The following ALK variants were observed in gnomAD, a reference collection of about 807,000 sequenced individuals.
ALK encodes ALK receptor tyrosine kinase, also known as ALK tyrosine kinase receptor.
Under a neutral mutation model 163.1 loss-of-function variants are expected in ALK, and 74 were observed. The ratio of observed to expected loss-of-function variants is 0.45; its 90% CI spans 0.38 to 0.55. ALK has a LOEUF of 0.55. Among genes scored for constraint, ALK ranks in the 20% least tolerant of loss-of-function variants. The pLI, the probability that ALK is intolerant of heterozygous loss-of-function variation, is 0.00. For missense variants in ALK, 2,063 were observed against 2,105.3 expected (o/e 0.98, Z 0.39); for synonymous variants, 960 against 843.2 (o/e 1.14, Z -2.40).
chr2:29,912,158 A>G (rs1425788233), intron 1 of ALK, among the ~76,000 whole-genome samples: 1 of 152,174 alleles, frequency 6.6e-6, no homozygotes, highest in African/African-American at 2.4e-5. Flanking sequence ...GAGTCTCAGG[A>G]GAGGAATATA....
At chr2:29,562,516 G>A (rs1452038535) in intron 3 of ALK, among the ~76,000 whole-genome samples, 1 of 152,138 alleles carries the variant, frequency 6.6e-6, no homozygotes. Flanking sequence ...TGTCTGCCCA[G>A]GGCCAGTACA....
rs543547902 is a variant in ALK at position 29,456,414 on chromosome 2, G to A, written c.1155-72555C>T. Among the ~76,000 whole-genome samples the A allele has an allele frequency of 1.2e-4, 19 of 152,218 alleles. 1 individual carries two copies. The South Asian group carries it at 3.9e-3, about 32-fold the overall frequency. On this transcript the variant is annotated intron_variant, in intron 4 of 28. Transcript: ENST00000389048. Reference sequence around the variant, plus strand: ...GGAAAAAAAATTTGACACACACTCCGAGATGGATAAACCTTTAAGACATGA... The same window carrying A: ...GGAAAAAAAATTTGACACACACTCCAAGATGGATAAACCTTTAAGACATGA...
At chr2:29,638,083 C>T (rs1253842340) in intron 3 of ALK, among the ~76,000 whole-genome samples, 12 of 152,156 alleles carry the variant, frequency 7.9e-5, no homozygotes, top group Admixed American at 7.2e-4. Context: ...TCTATTGACT[C>T]CGTTTTCCCT....
intron 3 of ALK, among the ~76,000 whole-genome samples, chr2:29,590,959 T>C (rs1198620125): frequency 6.7e-6 from 1 of 149,914 alleles, no homozygotes; most frequent in Non-Finnish European, 1.5e-5. Context: ...TAGTCCCAGC[T>C]ACTTGGGAGG....
chr2:29,866,618 G>A (rs1329094614), intron 1 of ALK, among the ~76,000 whole-genome samples: 1 of 152,180 alleles, frequency 6.6e-6, no homozygotes, highest in Non-Finnish European at 1.5e-5. Flanking sequence ...TCAGCCCCAG[G>A]CTGATCTCTG....
intron 1 of ALK, among the ~76,000 whole-genome samples, chr2:29,821,324 G>C (rs977027094): frequency 6.6e-6 from 1 of 151,946 alleles, no homozygotes; most frequent in African/African-American, 2.4e-5. Context: ...CTCTAGCTTG[G>C]TTTTACTCTC....
At chr2:29,820,206 C>A (rs1236339700) in intron 1 of ALK, among the ~76,000 whole-genome samples, 1 of 152,152 alleles carries the variant, frequency 6.6e-6, no homozygotes, top group South Asian at 2.1e-4. Flanking sequence ...TCTCTTGGAC[C>A]ACTTGCTCAG....
chr2:29,391,834 T>C (rs892088790), intron 4 of ALK, among the ~76,000 whole-genome samples: 5 of 152,188 alleles, frequency 3.3e-5, no homozygotes, highest in African/African-American at 1.2e-4. Context: ...TACTGAGAGT[T>C]TTATAGTCTC....
chr2:29,272,151 AAGAG>A (rs902822130), intron 11 of ALK, among the ~76,000 whole-genome samples: 3 of 142,490 alleles, frequency 2.1e-5, no homozygotes, highest in African/African-American at 7.6e-5. Context: ...AAGAGATAGA[AAGAG>A]AGAGAGAGAG....
intron 3 of ALK, among the ~76,000 whole-genome samples, chr2:29,637,005 A>T (rs1281671291): frequency 6.6e-6 from 1 of 152,220 alleles, no homozygotes; most frequent in Non-Finnish European, 1.5e-5. Context: ...AACATGGTAC[A>T]GCCACTCTGG....
At chr2:29,839,231 G>C (rs971770050) in intron 1 of ALK, among the ~76,000 whole-genome samples, 1 of 152,044 alleles carries the variant, frequency 6.6e-6, no homozygotes, top group African/African-American at 2.4e-5. Context: ...AAATTCCATG[G>C]GGGTCACAGG....
At chr2:29,738,922 T>C (rs1375941184) in intron 1 of ALK, among the ~76,000 whole-genome samples, 1 of 151,996 alleles carries the variant, frequency 6.6e-6, no homozygotes, top group Non-Finnish European at 1.5e-5. Context: ...TTCAAAGATG[T>C]GCAGAAAAGG....
intron 3 of ALK, among the ~76,000 whole-genome samples, chr2:29,682,845 A>G (rs188334158): frequency 1.7e-4 from 26 of 152,306 alleles, no homozygotes; most frequent in African/African-American, 5.8e-4. Context: ...TCTAGATGCA[A>G]CAAATGCTGA....
intron 3 of ALK, among the ~76,000 whole-genome samples, chr2:29,629,709 A>T (rs972037587): frequency 1.3e-5 from 2 of 152,206 alleles, no homozygotes; most frequent in Admixed American, 1.3e-4. Context: ...TGCCAGGCAC[A>T]CTGCAATAAG....
intron 1 of ALK, among the ~76,000 whole-genome samples, chr2:29,810,494 A>G (rs1472193512): frequency 6.6e-6 from 1 of 151,948 alleles, no homozygotes; most frequent in Non-Finnish European, 1.5e-5. Context: ...AGAAAAGACT[A>G]TTGCATTTTT....
intron 1 of ALK, among the ~76,000 whole-genome samples, chr2:29,750,391 A>C (rs1680323985): frequency 6.6e-6 from 1 of 152,130 alleles, no homozygotes; most frequent in South Asian, 2.1e-4. Flanking sequence ...AGCTGGGCAG[A>C]GTGGCTCATG....
chr2:29,423,482 C>G (rs1056078206), intron 4 of ALK, among the ~76,000 whole-genome samples: 1 of 152,222 alleles, frequency 6.6e-6, no homozygotes, highest in Non-Finnish European at 1.5e-5. Context: ...GCTTGAATCA[C>G]TAATCAAGGA....
intron 3 of ALK, among the ~76,000 whole-genome samples, chr2:29,542,256 T>C (rs1041479344): frequency 2.6e-5 from 4 of 152,198 alleles, no homozygotes; most frequent in Admixed American, 6.5e-5. Flanking sequence ...AGCTGATTTT[T>C]TTCTATTTAT....
At chr2:29,372,226 T>A (rs1383787935) in intron 5 of ALK, among the ~76,000 whole-genome samples, 1 of 152,202 alleles carries the variant, frequency 6.6e-6, no homozygotes, top group Non-Finnish European at 1.5e-5. Flanking sequence ...CCTCTCAACC[T>A]GTCCATAGCC....
Sources: allele counts gnomAD v4.1 joint callset (sites outside exome capture counted in the v4.1 genomes callset), GRCh38; gene constraint gnomAD v4.1.1; transcripts MANE v1.5; gene names NCBI Gene and HGNC (gene_info 2026-07-23, HGNC 2026-07-21).